Variants in METTL6 observed in about 807,000 individuals in gnomAD.
METTL6 encodes tRNA N(3)-cytidine methyltransferase METTL6.
A neutral mutation model predicts 26.4 loss-of-function variants in METTL6; 22 were observed. The ratio of observed to expected loss-of-function variants is 0.83; its 90% CI spans 0.59 to 1.19. The LOEUF (loss-of-function observed/expected upper bound fraction) is 1.19, where lower values mean the gene tolerates loss of function less well. Ranked by LOEUF, METTL6 falls within the 50% of genes most tolerant of loss-of-function variation. The probability of loss-of-function intolerance (pLI) is 0.00; values close to 1 mark genes in which losing one functional copy is unlikely to be tolerated. For missense variants in METTL6, 304 were observed against 324.8 expected, an observed-to-expected ratio of 0.94 and a Z score of 0.49; for synonymous variants, 109 against 116.2, an observed-to-expected ratio of 0.94 and a Z score of 0.40.
At chr3:15,423,387 C>G (rs1032478759) in intron 3 of METTL6, among the ~76,000 whole-genome samples, 1 of 152,082 alleles carries the variant, frequency 6.6e-6, no homozygotes, top group Admixed American at 6.5e-5. Flanking sequence ...AGCGAGACTC[C>G]GTCTCAAAAA....
At chr3:15,412,811 A>G (rs1700028568) in intron 5 of METTL6, among the ~76,000 whole-genome samples, 1 of 152,194 alleles carries the variant, frequency 6.6e-6, no homozygotes, top group Non-Finnish European at 1.5e-5. Flanking sequence ...ATCTAAAAGA[A>G]TATTTCATTT....
At chr3:15,406,317 GTTGTA>G (rs1699782232), downstream of METTL6, among the ~76,000 whole-genome samples, 1 of 151,480 alleles carries the variant, frequency 6.6e-6, no homozygotes, top group South Asian at 2.1e-4. Flanking sequence ...CTGATCCTCT[GTTGTA>G]TTAATTTAGG....
chr3:15,424,897 T>C lies in METTL6; in HGVS notation c.360+58A>G, dbSNP rs73144112. 1.1e-3 allele frequency: 1,816 copies of C among 1,608,304 alleles called. 18 individuals carry two copies. The African/African-American group carries it at 0.018, about 16-fold the overall frequency. Reference sequence around the variant, plus strand: ...TGGGCAAATGAATAAAAAAGGCAGATCAAACAAGATCGGCAAGAAAACAGA... The same window carrying C: ...TGGGCAAATGAATAAAAAAGGCAGACCAAACAAGATCGGCAAGAAAACAGA... On this transcript the variant is annotated intron_variant, in intron 3 of 5. Transcript: ENST00000383790.
chr3:15,389,650 A>C (rs1196104537), intron 6 of METTL6, among the ~76,000 whole-genome samples: 1 of 152,108 alleles, frequency 6.6e-6, no homozygotes, highest in Non-Finnish European at 1.5e-5. Context: ...CCTGGGTTCA[A>C]GAGATTCTCC....
chr3:15,423,791 G>A (rs1316271150), intron 3 of METTL6, among the ~76,000 whole-genome samples: 1 of 152,202 alleles, frequency 6.6e-6, no homozygotes, highest in Non-Finnish European at 1.5e-5. Flanking sequence ...ACTGAGGTGG[G>A]AGGATCTGCT....
intron 5 of METTL6, among the ~76,000 whole-genome samples, chr3:15,413,479 G>A (rs1700057702): frequency 6.6e-6 from 1 of 150,706 alleles, no homozygotes; most frequent in Non-Finnish European, 1.5e-5. Context: ...AGGAGGCTTC[G>A]GTGGATCACT....
Position 15,409,818 on chromosome 3 carries a change from A to T in METTL6, c.*1438T>A, listed in dbSNP as rs1412859765. Among the ~76,000 whole-genome samples, 1 of 152,238 alleles carries T rather than the reference A, an allele frequency of 6.6e-6. No homozygotes were observed. The highest frequency in any genetic ancestry group is 2.4e-5 in the African/African-American group (1 of 41,466). On this transcript the variant is annotated 3_prime_UTR_variant, in exon 6 of 6. Transcript: ENST00000383790. ...TTTGTGGAACACTGGTTTTGAAGAA[A>T]TACATAACTGAACTAAAGGGGAGAC... is the stretch of plus-strand genomic sequence containing the variant.
At chr3:15,425,151 A>C (rs1406725118) in intron 2 of METTL6, 62 bp from the exon 3 acceptor site, 3 of 1,583,566 alleles carry the variant, frequency 1.9e-6, no homozygotes, top group Non-Finnish European at 2.6e-6. Flanking sequence ...AATAAACCAA[A>C]CTAAAAGGTC....
rs750482105 is a variant in METTL6, at chr3:15,415,867, C to A, written c.436G>T (p.Val146Leu). ...DLTKDDLLDH[V>L]PPESVDVVML... ...ACAACATCCACAGACTCTGGCGGTA[C>A]ATGATCCAGAAGATCATCTTTAGTC... The change falls in exon 4 of 6, where the codon GTA becomes TTA. Residue 146 changes from valine (V) to leucine (L), a missense_variant. Physicochemically the swap from Val to Leu is conservative, Grantham distance 32 (BLOSUM62 1). Transcript: ENST00000383790. 6.2e-7 allele frequency: 1 copy of A among 1,614,172 alleles called. No homozygotes were observed. Among genetic ancestry groups the A allele is most frequent in the East Asian group, 2.2e-5 (1 of 44,892 alleles).
intron 3 of METTL6, among the ~76,000 whole-genome samples, chr3:15,420,321 G>A (rs1470933561): frequency 6.6e-6 from 1 of 152,160 alleles, no homozygotes; most frequent in African/African-American, 2.4e-5. Context: ...AAAATCTACT[G>A]TGTATAAAGT....
chr3:15,424,299 C>T (rs978301526), intron 3 of METTL6, among the ~76,000 whole-genome samples: 8 of 152,210 alleles, frequency 5.3e-5, no homozygotes, highest in African/African-American at 1.9e-4. Context: ...GACAGTCTTG[C>T]TCTGTCACCT....
At chr3:15,390,607 G>A (rs1372670786) in intron 6 of METTL6, among the ~76,000 whole-genome samples, 1 of 152,150 alleles carries the variant, frequency 6.6e-6, no homozygotes, top group African/African-American at 2.4e-5. Context: ...TGGAAAAAAC[G>A]AATGCTGGAA....
At chr3:15,405,608 A>G (rs1045686409), downstream of METTL6, among the ~76,000 whole-genome samples, 1 of 152,210 alleles carries the variant, frequency 6.6e-6, no homozygotes, top group Non-Finnish European at 1.5e-5. Context: ...AAAAACATCT[A>G]ATGTCTAGCA....
At position 15,400,590 on chromosome 3, in the gene METTL6, T is replaced by C. The variant is rs73142284; in HGVS notation, c.*11+10655A>G. Among the ~76,000 whole-genome samples, 633 of 152,304 alleles carry C rather than the reference T, an allele frequency of 4.2e-3. 5 individuals are homozygous for C. Among genetic ancestry groups the C allele is most frequent in the African/African-American group, 0.014 (579 of 41,568 alleles). On this transcript the variant is annotated intron_variant, in intron 6 of 6. Coordinates refer to the METTL6 transcript ENST00000443029. ...TGGGTAGGAATCTCACAGGTTGAAA[T>C]AGCATTTCTAGTAGAATTGTCACAA...
At chr3:15,420,902 C>A (rs1386175764) in intron 3 of METTL6, among the ~76,000 whole-genome samples, 1 of 152,166 alleles carries the variant, frequency 6.6e-6, no homozygotes, top group Non-Finnish European at 1.5e-5. Flanking sequence ...AATGTTCGTT[C>A]CTATTTAGAT....
At chr3:15,425,518 T>C (rs1434929488) in intron 2 of METTL6, among the ~76,000 whole-genome samples, 2 of 152,254 alleles carry the variant, frequency 1.3e-5, no homozygotes, top group Admixed American at 6.5e-5. Context: ...ACTATTATAT[T>C]ATTCTGAATC....
At chr3:15,382,046 G>C (rs1699092655) in exon 7 of METTL6, 3 of 146,584 alleles carry the variant, frequency 2.0e-5, no homozygotes, top group Admixed American at 6.8e-5. Context: ...ACATTTCTTT[G>C]GTTCTTTTTT....
At chr3:15,418,829 G>C (rs1462083903) in intron 3 of METTL6, among the ~76,000 whole-genome samples, 1 of 152,090 alleles carries the variant, frequency 6.6e-6, no homozygotes, top group Non-Finnish European at 1.5e-5. Context: ...CCAAGAGTTC[G>C]AGAGCAGCCT....
At position 15,410,490 on chromosome 3, in the gene METTL6, C is replaced by T. The variant is rs1357582610; in HGVS notation, c.*766G>A. Reference sequence around the variant, plus strand: ...CACATTTGGCTAATTTTTGTATTTTCTGTAGAGACAGAGTTTCACCATGTT... The same window carrying T: ...CACATTTGGCTAATTTTTGTATTTTTTGTAGAGACAGAGTTTCACCATGTT... On this transcript the variant is annotated 3_prime_UTR_variant, in exon 6 of 6. Transcript: ENST00000383790. Among the ~76,000 whole-genome samples the T allele has an allele frequency of 6.6e-6, 1 of 152,058 alleles. No individual in the cohort carries two copies. The highest frequency in any genetic ancestry group is 1.5e-5 in the Non-Finnish European group (1 of 68,002).
Sources: gnomAD v4.1 joint callset for allele counts (sites outside exome capture counted in the v4.1 genomes callset) on GRCh38, gnomAD v4.1.1 for gene constraint, MANE v1.5 for transcripts, NCBI Gene and HGNC (gene_info 2026-07-23, HGNC 2026-07-21) for gene names.